The following KRT84 variants were observed in gnomAD, a reference collection of about 807,000 sequenced individuals.
KRT84 encodes the protein keratin 84, also known as keratin, type II cuticular Hb4.
Under a neutral mutation model 49.0 loss-of-function variants are expected in KRT84, and 38 were observed. The ratio of observed to expected loss-of-function variants is 0.78; its 90% CI spans 0.60 to 1.02. The LOEUF (loss-of-function observed/expected upper bound fraction) is 1.02, where lower values mean the gene tolerates loss of function less well. KRT84 is among the 50% of genes least tolerant of loss of function. KRT84 has a pLI of 0.00. For synonymous variants in KRT84, 334 were observed against 312.8 expected, an observed-to-expected ratio of 1.07 and a Z score of -0.72; for missense variants, 860 against 788.6, an observed-to-expected ratio of 1.09 and a Z score of -1.08.
chr12:52,378,813 C>T (rs1476945124), intron 8 of KRT84, among the ~76,000 whole-genome samples: 2 of 152,186 alleles, frequency 1.3e-5, no homozygotes, highest in Non-Finnish European at 1.5e-5. Flanking sequence ...TAGCCCAGCA[C>T]ACAGGAAACC....
intron 8 of KRT84, among the ~76,000 whole-genome samples, chr12:52,379,484 C>T (rs1191561535): frequency 6.6e-6 from 1 of 152,230 alleles, no homozygotes; most frequent in African/African-American, 2.4e-5. Flanking sequence ...AGTGGGGAGA[C>T]TTCCATTTGG....
chr12:52,380,972 G>A (rs1939471095), intron 6 of KRT84, 108 bp downstream of exon 6: 1 of 1,448,500 alleles, frequency 6.9e-7, no homozygotes, highest in East Asian at 2.3e-5. Context: ...CCATTCCTTG[G>A]TTTCTGGGTC....
At chr12:52,383,555 C>T in intron 2 of KRT84, 35 bp downstream of exon 2, 1 of 1,585,196 alleles carries the variant, frequency 6.3e-7, no homozygotes, top group Non-Finnish European at 8.6e-7. Context: ...CAGGCCTGGC[C>T]TGTCACTGGT....
At position 52,378,563 on chromosome 12, in the gene KRT84, A is replaced by G. The variant is rs1306593776; in HGVS notation, c.1457-183T>C. Among the ~76,000 whole-genome samples, 8 of 152,362 alleles carry G rather than the reference A, an allele frequency of 5.3e-5. No individual in the cohort carries two copies. In the South Asian group the frequency reaches 1.7e-3, roughly 32 times the overall value. On this transcript the variant is annotated intron_variant, in intron 8 of 8. Transcript: ENST00000257951. ...CTTTTTCCCTCTCTGGATGGCTCAA[A>G]GACTGTGACTACATTAAAATCAAAC...
Position 52,385,260 on chromosome 12 carries a change from G to T in KRT84, c.326C>A (p.Ala109Asp). Residue 109 changes from alanine to aspartate, a missense_variant, in exon 1 of 9, where the codon GCT becomes GAT. Ala to Asp is a moderately radical substitution (Grantham distance 126). Transcript: ENST00000257951. Reference protein sequence around the residue: ...ADSCVGLGFGAGSGIGYGFGG... With the variant: ...ADSCVGLGFGDGSGIGYGFGG... ...AAAGCCATAGCCAATGCCACTGCCA[G>T]CTCCAAAGCCCAGACCAACACAGCT... 1.2e-6 allele frequency: 2 copies of T among 1,614,048 alleles called. No individual in the cohort carries two copies. Among genetic ancestry groups the T allele is most frequent in the Non-Finnish European group, 1.7e-6 (2 of 1,180,034 alleles).
At position 52,383,595 on chromosome 12, in the gene KRT84, C is replaced by T. The variant is rs1939521725; in HGVS notation, c.750G>A (p.Lys250=). The change falls in exon 2 of 9, where the codon AAG becomes AAA. Residue 250 remains lysine, a synonymous_variant. Coordinates refer to ENST00000257951, the MANE Select transcript of KRT84 (RefSeq NM_033045.4). ...NHLQDVLEGF[K]KKYEEEVVCR... ...GCAGCTCAGATGTCACTCACTTCTT[C>T]TTGAAGCCCTCTAGGACATCCTGCA... The T allele has an allele frequency of 6.2e-7, 1 of 1,612,618 alleles. No homozygotes were observed. Among genetic ancestry groups the T allele is most frequent in the Non-Finnish European group, 8.5e-7 (1 of 1,179,862 alleles).
In KRT84 at chr12:52,380,531, G is replaced by A; in HGVS notation, c.1256C>T (p.Thr419Ile). 1 of 1,613,968 alleles carries A rather than the reference G, an allele frequency of 6.2e-7. No homozygotes were observed. Among genetic ancestry groups the A allele is most frequent in the Non-Finnish European group, 8.5e-7 (1 of 1,179,902 alleles). ...CAGCTTGCATTTGGCATCACTGAGG[G>A]TCGCCTCGCCCTGCTGCTCGGCCTC... is the stretch of plus-strand genomic sequence containing the variant. ...VAEAEQQGEA[T>I]LSDAKCKLAD... Residue 419 changes from threonine to isoleucine, a missense_variant, in exon 7 of 9, where the codon ACC (threonine) becomes ATC (isoleucine). Physicochemically the swap from Thr to Ile is moderately conservative, Grantham distance 89. Transcript: ENST00000257951.
Position 52,378,363 on chromosome 12 carries a change from C to A in KRT84, c.1474G>T (p.Gly492Cys). Residue 492 changes from glycine to cysteine, a missense_variant, in exon 9 of 9, where the codon GGC becomes TGC. Physicochemically the swap from Gly to Cys is radical, Grantham distance 159. Coordinates refer to ENST00000257951, the MANE Select transcript of KRT84 (RefSeq NM_033045.4). ...GGCTCAGGCCCGCACACCAGGCCGC[C>A]CCGGGAGCTGCTGACGGCTGCGGAG... is the stretch of plus-strand genomic sequence containing the variant. ...PVNISVSSSR[G>C]GLVCGPEPLV... is the part of the protein sequence containing the mutation. 2.0e-6 allele frequency: 3 copies of A among 1,469,924 alleles called. No homozygotes were observed. The highest frequency in any genetic ancestry group is 2.7e-6 in the Non-Finnish European group (3 of 1,114,084). The allele number at this position is 1,469,924 out of a possible 1,614,324, so 91.1% of individuals were successfully genotyped here.
At chr12:52,384,980 C>T in intron 1 of KRT84, 60 bp downstream of exon 1, 2 of 1,501,110 alleles carry the variant, frequency 1.3e-6, no homozygotes, top group Non-Finnish European at 1.8e-6. Flanking sequence ...AGGGAAAGAG[C>T]ACTCTAGCGC....
chr12:52,380,550 C>A lies in KRT84; in HGVS notation c.1237G>T (p.Glu413Ter), dbSNP rs138151468. ...AKLEAAVAEA[E>*]QQGEATLSDA... ...CTGAGGGTCGCCTCGCCCTGCTGCTCGGCCTCGGCCACTGCAGCCTCCAAC... is the reference window on the plus strand; with the variant it reads ...CTGAGGGTCGCCTCGCCCTGCTGCTAGGCCTCGGCCACTGCAGCCTCCAAC... The change falls in exon 7 of 9, where the codon GAG (glutamate) becomes TAG (stop). Residue 413 changes from glutamate (E) to a stop codon, truncating the protein, a stop_gained. Transcript: ENST00000257951. LOFTEE classifies it high-confidence loss of function. 5 of 1,613,334 alleles carry A rather than the reference C, an allele frequency of 3.1e-6. No individual in the cohort carries two copies. The African/African-American group carries it at 6.7e-5, about 22-fold the overall frequency.
rs1451718575 is a variant in KRT84 at position 52,381,213 on chromosome 12, G to A, written c.1078-8C>T. 1 of 1,614,100 alleles carries A rather than the reference G, an allele frequency of 6.2e-7. No individual in the cohort carries two copies. Among genetic ancestry groups the A allele is most frequent in the South Asian group, 1.1e-5 (1 of 91,060 alleles). On this transcript the variant is annotated splice_region_variant and splice_polypyrimidine_tract_variant and intron_variant, in intron 5 of 8. Transcript: ENST00000257951. ...CACCTGCATCTCTTCATACTGCGGA[G>A]AGAGGAGGGTATTTTGAGGGTTCGG...
chr12:52,381,960 G>C (rs763309263), intron 4 of KRT84, among the ~76,000 whole-genome samples: 6 of 152,158 alleles, frequency 3.9e-5, no homozygotes, highest in Non-Finnish European at 5.9e-5. Flanking sequence ...GAGGGGCTTG[G>C]GACTGGCCTG....
intron 1 of KRT84, among the ~76,000 whole-genome samples, chr12:52,384,430 G>C (rs1939539206): frequency 6.6e-6 from 1 of 152,146 alleles, no homozygotes; most frequent in African/African-American, 2.4e-5. Flanking sequence ...CCACATCACT[G>C]TTCCCACTCA....
At chr12:52,381,945 G>A (rs775554317) in intron 4 of KRT84, among the ~76,000 whole-genome samples, 1 of 152,180 alleles carries the variant, frequency 6.6e-6, no homozygotes, top group Non-Finnish European at 1.5e-5. Flanking sequence ...CTTAATAGAA[G>A]AACTGAGGGG....
intron 7 of KRT84, 69 bp downstream of exon 7, chr12:52,380,294 C>A: frequency 6.4e-7 from 1 of 1,569,064 alleles, no homozygotes; most frequent in South Asian, 1.1e-5. Context: ...TCACTGTCCC[C>A]TTCTCTTCCT....
At position 52,378,366 on chromosome 12, in the gene KRT84, G is replaced by T. The variant is rs1483272178; in HGVS notation, c.1471C>A (p.Arg491=). 1 of 1,467,940 alleles carries T rather than the reference G, an allele frequency of 6.8e-7. No individual in the cohort carries two copies. The highest frequency in any genetic ancestry group is 9.0e-7 in the Non-Finnish European group (1 of 1,113,162). 90.9% of individuals were successfully genotyped at this position (1,467,940 alleles called of 1,614,324 possible). A position where few individuals can be genotyped will look rare whatever the true frequency, so the allele number is the denominator to read the frequency against. ...TCAGGCCCGCACACCAGGCCGCCCC[G>T]GGAGCTGCTGACGGCTGCGGAGAAA... is the stretch of plus-strand genomic sequence containing the variant. ...GPVNISVSSS[R]GGLVCGPEPL... Residue 491 remains arginine, a synonymous_variant, in exon 9 of 9, where the codon CGG becomes AGG. Transcript: ENST00000257951.
intron 8 of KRT84, among the ~76,000 whole-genome samples, chr12:52,378,700 G>A (rs1160585411): frequency 1.3e-5 from 2 of 152,354 alleles, no homozygotes; most frequent in Non-Finnish European, 2.9e-5. Flanking sequence ...GATGTAGGTA[G>A]TGAGCTGGAT....
At position 52,378,299 on chromosome 12, in the gene KRT84, G is replaced by A. The variant is rs1163453145; in HGVS notation, c.1538C>T (p.Thr513Ile). The A allele has an allele frequency of 6.5e-7, 1 of 1,541,812 alleles. No individual in the cohort carries two copies. The highest frequency in any genetic ancestry group is 8.7e-7 in the Non-Finnish European group (1 of 1,145,926). Residue 513 changes from threonine (T) to isoleucine (I), a missense_variant, in exon 9 of 9, where the codon ACC becomes ATC. Coordinates refer to ENST00000257951, the MANE Select transcript of KRT84 (RefSeq NM_033045.4). ...AGSTLSRGGV[T>I]FSGSSSVCAT... ...ACAGACGCTGCTGCTACCTGAGAAGGTGACCCCGCCGCGGGAGAGGGTGGA... is the reference window on the plus strand; with the variant it reads ...ACAGACGCTGCTGCTACCTGAGAAGATGACCCCGCCGCGGGAGAGGGTGGA...
At chr12:52,378,530 A>G in intron 8 of KRT84, 150 bp from the exon 9 acceptor site, 1 of 520,768 alleles carries the variant, frequency 1.9e-6, no homozygotes, top group Non-Finnish European at 3.2e-6. Flanking sequence ...CTATACAGTC[A>G]GTATACACTT....
Sources: allele counts gnomAD v4.1 joint callset (sites outside exome capture counted in the v4.1 genomes callset), GRCh38; gene constraint gnomAD v4.1.1; transcripts MANE v1.5; gene names NCBI Gene and HGNC (gene_info 2026-07-23, HGNC 2026-07-21).